Variants in FSTL5 observed in about 807,000 individuals in gnomAD.
FSTL5 encodes follistatin like 5, also known as follistatin-related protein 5.
FSTL5 carries 62 observed loss-of-function variants against 89.1 expected under a neutral mutation model. The ratio of observed to expected loss-of-function variants is 0.70; its 90% CI spans 0.57 to 0.86. The LOEUF is 0.86. Among genes scored for constraint, FSTL5 ranks in the 40% least tolerant of loss-of-function variants. The pLI is 0.00. For synonymous variants in FSTL5, 383 were observed against 346.2 expected, an observed-to-expected ratio of 1.11 and a Z score of -1.18; for missense variants, 1,057 against 1,001.6, an observed-to-expected ratio of 1.06 and a Z score of -0.75.
At chr4:161,567,715 A>T (rs141718499) in intron 8 of FSTL5, among the ~76,000 whole-genome samples, 90 of 152,280 alleles carry the variant, frequency 5.9e-4, no homozygotes, top group African/African-American at 1.8e-3. Context: ...AATGAATTTA[A>T]GTCTAAGTCA....
chr4:161,510,312 G>C, intron 11 of FSTL5, 86 bp downstream of exon 11: 1 of 802,030 alleles, frequency 1.2e-6, no homozygotes, highest in Non-Finnish European at 2.0e-6. Context: ...TGAAAAAGAA[G>C]GTAATTAATG....
intron 4 of FSTL5, among the ~76,000 whole-genome samples, chr4:161,789,408 C>A (rs989863315): frequency 2.0e-5 from 3 of 151,832 alleles, no homozygotes; most frequent in African/African-American, 7.3e-5. Flanking sequence ...TATTTTATTA[C>A]CCTATAAATT....
chr4:161,704,271 T>C (rs1451562191), intron 6 of FSTL5, among the ~76,000 whole-genome samples: 1 of 152,140 alleles, frequency 6.6e-6, no homozygotes, highest in Non-Finnish European at 1.5e-5. Flanking sequence ...GTCCCGCCTT[T>C]CCAGATAGAA....
intron 5 of FSTL5, among the ~76,000 whole-genome samples, chr4:161,762,327 T>C (rs952869780): frequency 1.1e-4 from 16 of 152,114 alleles, no homozygotes; most frequent in African/African-American, 3.9e-4. Flanking sequence ...TATGAAAAAC[T>C]ACACAAGTAG....
chr4:161,968,868 G>C (rs1735398383), intron 3 of FSTL5, among the ~76,000 whole-genome samples: 1 of 151,188 alleles, frequency 6.6e-6, no homozygotes, highest in Non-Finnish European at 1.5e-5. Flanking sequence ...AATACCTCTT[G>C]TCATAAAAGA....
rs79144693 is a variant in FSTL5 at position 161,494,958 on chromosome 4, A to T, written c.1458+5058T>A. On this transcript the variant is annotated intron_variant, in intron 12 of 15. Transcript: ENST00000306100. Reference sequence around the variant, plus strand: ...GCACTTGTAATTTCAGCTACCCATGAGGCTAAGGTAGAAGGATCACTTGAG... The same window carrying T: ...GCACTTGTAATTTCAGCTACCCATGTGGCTAAGGTAGAAGGATCACTTGAG... Among the ~76,000 whole-genome samples, 246 of 152,176 alleles carry T rather than the reference A, an allele frequency of 1.6e-3. 1 individual carries two copies. Among genetic ancestry groups the T allele is most frequent in the African/African-American group, 5.8e-3 (241 of 41,506 alleles).
intron 10 of FSTL5, among the ~76,000 whole-genome samples, chr4:161,522,539 T>C (rs1001184142): frequency 6.6e-6 from 1 of 151,472 alleles, no homozygotes; most frequent in Non-Finnish European, 1.5e-5. Context: ...TGCTAATATA[T>C]ATAACTAATA....
At chr4:162,091,178 GC>G (rs1730535140) in intron 2 of FSTL5, among the ~76,000 whole-genome samples, 1 of 151,992 alleles carries the variant, frequency 6.6e-6, no homozygotes, top group African/African-American at 2.4e-5. Flanking sequence ...CAGCCACCCT[GC>G]CCCCTAAGAC....
intron 1 of FSTL5, among the ~76,000 whole-genome samples, chr4:162,137,308 T>G (rs1732558458): frequency 6.6e-6 from 1 of 152,088 alleles, no homozygotes; most frequent in Non-Finnish European, 1.5e-5. Context: ...CTTAGCAAAG[T>G]TCACATATTA....
chr4:161,575,732 C>T (rs533924192), intron 8 of FSTL5, among the ~76,000 whole-genome samples: 3 of 152,106 alleles, frequency 2.0e-5, no homozygotes, highest in South Asian at 2.1e-4. Context: ...GATTACAAGG[C>T]GTGAGCCACC....
At chr4:161,507,953 T>G (rs1451041609) in intron 11 of FSTL5, among the ~76,000 whole-genome samples, 1 of 151,964 alleles carries the variant, frequency 6.6e-6, no homozygotes, top group Admixed American at 6.6e-5. Flanking sequence ...CTCTCTAAGA[T>G]AGATTTTTCT....
intron 1 of FSTL5, among the ~76,000 whole-genome samples, chr4:162,130,076 T>C (rs1285031096): frequency 6.6e-6 from 1 of 152,204 alleles, no homozygotes; most frequent in Non-Finnish European, 1.5e-5. Flanking sequence ...GAAATCGCCC[T>C]GCCATTTTAA....
At chr4:162,038,171 A>G (rs2111214679) in intron 2 of FSTL5, among the ~76,000 whole-genome samples, 1 of 152,014 alleles carries the variant, frequency 6.6e-6, no homozygotes, top group East Asian at 1.9e-4. Flanking sequence ...AATAAAGTGA[A>G]CTTGACTTAA....
chr4:161,636,460 C>CTTTTTTTTTTTTTTT (rs67780564), intron 7 of FSTL5, among the ~76,000 whole-genome samples: 1 of 121,076 alleles, frequency 8.3e-6, no homozygotes, highest in African/African-American at 3.0e-5. Context: ...TTTTTTTTTT[C>CTTTTTTTTTTTTTTT]TTTTTTTTTT....
chr4:161,651,046 T>C (rs1202054109), intron 7 of FSTL5, among the ~76,000 whole-genome samples: 3 of 152,178 alleles, frequency 2.0e-5, no homozygotes, highest in Non-Finnish European at 4.4e-5. Flanking sequence ...CAATTCTATT[T>C]TATTTCCTCT....
intron 8 of FSTL5, among the ~76,000 whole-genome samples, chr4:161,579,652 G>C (rs963210612): frequency 6.6e-6 from 1 of 151,570 alleles, no homozygotes; most frequent in South Asian, 2.1e-4. Context: ...GGGAGGCAGA[G>C]GTTGCAGTGA....
intron 15 of FSTL5, among the ~76,000 whole-genome samples, chr4:161,422,419 G>GT (rs1458061241): frequency 6.6e-6 from 1 of 152,138 alleles, no homozygotes; most frequent in Non-Finnish European, 1.5e-5. Context: ...CAGAAAAACA[G>GT]TTTTTTCTCC....
chr4:162,150,756 C>T (rs1242380108), intron 1 of FSTL5, among the ~76,000 whole-genome samples: 1 of 152,044 alleles, frequency 6.6e-6, no homozygotes, highest in Non-Finnish European at 1.5e-5. Context: ...AATACCTATT[C>T]CTATTACTTA....
intron 3 of FSTL5, among the ~76,000 whole-genome samples, chr4:162,026,304 C>CTTTTTTATTTTTTTTTTTTTTTTT (rs1737282272): frequency 1.3e-5 from 1 of 79,472 alleles, no homozygotes; most frequent in Non-Finnish European, 2.2e-5. Context: ...TATGTATTTT[C>CTTTTTTATTTTTTTTTTTTTTTTT]TTTTTTTTTT....
Sources: allele counts gnomAD v4.1 joint callset (sites outside exome capture counted in the v4.1 genomes callset), GRCh38; gene constraint gnomAD v4.1.1; transcripts MANE v1.5; gene names NCBI Gene and HGNC (gene_info 2026-07-23, HGNC 2026-07-21).